Variants in ADAM12 observed in about 807,000 individuals in gnomAD.
ADAM12 encodes ADAM metallopeptidase domain 12.
In ADAM12, 70 loss-of-function variants were observed where a neutral mutation model predicts 106.4. That is an observed-to-expected ratio of 0.66 (90% CI 0.54 to 0.80). ADAM12 has a LOEUF of 0.80. ADAM12 is among the 30% of genes least tolerant of loss of function. The pLI, the probability that ADAM12 is intolerant of heterozygous loss-of-function variation, is 0.00. For missense variants in ADAM12, 1,010 were observed against 1,171.9 expected (o/e 0.86, Z 2.02); for synonymous variants, 420 against 433.5 (o/e 0.97, Z 0.39).
At chr10:126,176,555 T>C (rs1042797894) in intron 3 of ADAM12, among the ~76,000 whole-genome samples, 13 of 152,232 alleles carry the variant, frequency 8.5e-5, no homozygotes, top group Non-Finnish European at 1.9e-4. Context: ...GCATAGTCTA[T>C]CTTGTGCTCA....
intron 2 of ADAM12, among the ~76,000 whole-genome samples, chr10:126,319,668 C>G (rs933798810): frequency 1.3e-5 from 2 of 152,088 alleles, no homozygotes; most frequent in African/African-American, 4.8e-5. Flanking sequence ...AACATTGAGT[C>G]AAAGCTAAGA....
chr10:126,314,119 A>G (rs1961241751), intron 2 of ADAM12, among the ~76,000 whole-genome samples: 1 of 152,184 alleles, frequency 6.6e-6, no homozygotes, highest in Non-Finnish European at 1.5e-5. Flanking sequence ...TGAGAAGCCA[A>G]GTGTGGAGGA....
chr10:126,210,623 T>C (rs1324222255), intron 3 of ADAM12, among the ~76,000 whole-genome samples: 1 of 152,046 alleles, frequency 6.6e-6, no homozygotes, highest in African/African-American at 2.4e-5. Flanking sequence ...GTGGAGGAGA[T>C]GAACATGGAT....
chr10:126,046,231 GCTTGGAGAAGACCCAAC>G, intron 16 of ADAM12, 99 bp from the exon 17 acceptor site: 1 of 1,098,604 alleles, frequency 9.1e-7, no homozygotes, highest in Non-Finnish European at 1.4e-6. Flanking sequence ...GCAAAAGAAA[GCTTGGAGAAGACCCAAC>G]CTTGTCTCAG....
chr10:126,081,847 G>A (rs1307863713), intron 11 of ADAM12, among the ~76,000 whole-genome samples: 5 of 152,148 alleles, frequency 3.3e-5, no homozygotes, highest in Non-Finnish European at 5.9e-5. Context: ...GAATCCCCCC[G>A]TATATGATAG....
intron 11 of ADAM12, among the ~76,000 whole-genome samples, chr10:126,087,993 A>G (rs1204783653): frequency 6.6e-6 from 1 of 152,224 alleles, no homozygotes; most frequent in Non-Finnish European, 1.5e-5. Context: ...CTATTCCAGG[A>G]TATCTTTTCT....
At chr10:126,383,205 T>C (rs1590849428) in intron 1 of ADAM12, among the ~76,000 whole-genome samples, 1 of 151,948 alleles carries the variant, frequency 6.6e-6, no homozygotes, top group Non-Finnish European at 1.5e-5. Context: ...GCTCAAGCAA[T>C]CCTCCTGCCT....
chr10:126,362,568 A>C (rs1384209720), intron 1 of ADAM12, among the ~76,000 whole-genome samples: 1 of 152,204 alleles, frequency 6.6e-6, no homozygotes, highest in Non-Finnish European at 1.5e-5. Flanking sequence ...TCAACAGATG[A>C]ATAAAGAAAA....
At chr10:126,263,592 C>G (rs1169940942) in intron 3 of ADAM12, among the ~76,000 whole-genome samples, 4 of 151,482 alleles carry the variant, frequency 2.6e-5, no homozygotes, top group African/African-American at 9.7e-5. Flanking sequence ...AAAATGCAGA[C>G]ATGTTAGTTT....
At chr10:126,187,482 G>C (rs1957421183) in intron 3 of ADAM12, among the ~76,000 whole-genome samples, 1 of 152,170 alleles carries the variant, frequency 6.6e-6, no homozygotes, top group Admixed American at 6.5e-5. Context: ...CCCAGCAAGT[G>C]GCTGTATTTG....
Position 126,160,438 on chromosome 10 carries a change from T to C in ADAM12, c.261-5133A>G, listed in dbSNP as rs528384283. 4.6e-5 allele frequency among the ~76,000 whole-genome samples: 7 copies of C among 152,292 alleles called. No homozygotes were observed. In the East Asian group the frequency reaches 1.4e-3, roughly 29 times the overall value. On this transcript the variant is annotated intron_variant, in intron 3 of 22. Coordinates refer to ENST00000448723, the MANE Select transcript of ADAM12 (RefSeq NM_001288973.2). The stretch of plus-strand genomic sequence containing the variant: ...TTTCTGTTGATCAGCCCCAGTGCTA[T>C]GAGCTGGAAAAACAGGCAGCTTCCT...
intron 3 of ADAM12, among the ~76,000 whole-genome samples, chr10:126,239,773 C>T (rs183999735): frequency 1.4e-4 from 22 of 152,284 alleles, no homozygotes; most frequent in Non-Finnish European, 2.5e-4. Context: ...GAACCATTCA[C>T]GTCATTCAGA....
chr10:126,078,020 C>T (rs751642049), intron 11 of ADAM12, among the ~76,000 whole-genome samples: 9 of 152,010 alleles, frequency 5.9e-5, no homozygotes, highest in Non-Finnish European at 8.8e-5. Flanking sequence ...TTGCCAGTAG[C>T]GAATATTAGA....
intron 6 of ADAM12, among the ~76,000 whole-genome samples, chr10:126,112,750 AGGGAT>A (rs1482161151): frequency 5.3e-5 from 8 of 152,158 alleles, no homozygotes; most frequent in Non-Finnish European, 1.0e-4. Flanking sequence ...GCTATCTACC[AGGGAT>A]GCTGTTTGCA....
At chr10:126,364,598 T>C (rs1432624809) in intron 1 of ADAM12, among the ~76,000 whole-genome samples, 2 of 152,198 alleles carry the variant, frequency 1.3e-5, no homozygotes, top group African/African-American at 4.8e-5. Context: ...TAAAAAGTGC[T>C]TTGTAATAAA....
chr10:126,298,992 A>C (rs189053543), intron 2 of ADAM12, among the ~76,000 whole-genome samples: 3 of 152,352 alleles, frequency 2.0e-5, no homozygotes, highest in Admixed American at 2.0e-4. Flanking sequence ...CGCAGATTGC[A>C]TTAAAGAAAT....
At position 126,093,989 on chromosome 10, in the gene ADAM12, T is replaced by G. The variant is rs2446693; in HGVS notation, c.1141A>C (p.Thr381Pro). The G allele has an allele frequency of 6.2e-7, 1 of 1,614,138 alleles. No homozygotes were observed. Among genetic ancestry groups the G allele is most frequent in the Non-Finnish European group, 8.5e-7 (1 of 1,180,000 alleles). ...EKGGCIMNAS[T>P]GYPFPMVFSS... ...GATGGAAGCAATGGTACTTGCCCGGTGGAAGCGTTCATGATGCAGCCTCCT... is the reference window on the plus strand; with the variant it reads ...GATGGAAGCAATGGTACTTGCCCGGGGGAAGCGTTCATGATGCAGCCTCCT... Residue 381 changes from threonine (T) to proline (P), a missense_variant, in exon 11 of 23, where the codon ACC (threonine) becomes CCC (proline). Around this residue, in one of 3 missense-constraint regions of ADAM12, gnomAD observed 615 missense variants for 708.5 expected, o/e 0.87. Transcript: ENST00000448723.
At chr10:126,081,808 T>C (rs745865931) in intron 11 of ADAM12, among the ~76,000 whole-genome samples, 27 of 152,242 alleles carry the variant, frequency 1.8e-4, no homozygotes, top group Non-Finnish European at 3.2e-4. Context: ...TGTGTCTTTC[T>C]TTCTCCCATT....
intron 6 of ADAM12, among the ~76,000 whole-genome samples, chr10:126,114,244 C>G (rs933467838): frequency 6.6e-6 from 1 of 152,138 alleles, no homozygotes; most frequent in African/African-American, 2.4e-5. Flanking sequence ...GCCAGGAGAA[C>G]AGGCTGAATC....
Sources: gnomAD v4.1 joint callset for allele counts (sites outside exome capture counted in the v4.1 genomes callset) on GRCh38, gnomAD v4.1.1 for gene constraint, gnomAD v4.1.1 regional missense constraint, MANE v1.5 for transcripts, NCBI Gene and HGNC (gene_info 2026-07-23, HGNC 2026-07-21) for gene names.